Variants in USP24 observed in about 807,000 individuals in gnomAD.
USP24 encodes the protein ubiquitin carboxyl-terminal hydrolase 24.
USP24 carries 97 observed loss-of-function variants against 361.6 expected under a neutral mutation model. The observed-to-expected ratio is 0.27, with a 90% CI of 0.23 to 0.32. The LOEUF (loss-of-function observed/expected upper bound fraction) is 0.32, where lower values mean the gene tolerates loss of function less well. Ranked by LOEUF, USP24 falls within the 10% of genes least tolerant of loss-of-function variation. The pLI, the probability that USP24 is intolerant of heterozygous loss-of-function variation, is 1.00. For synonymous variants in USP24, 1,098 were observed against 1,124.6 expected (o/e 0.98, Z 0.47); for missense variants, 2,353 against 3,165.6 (o/e 0.74, Z 6.16).
In USP24 at chr1:55,066,744, CG is replaced by C. The variant is rs751901560; in HGVS notation, c.*2300del. 2.0e-5 allele frequency: 3 copies of C among 152,176 alleles called. No homozygotes were observed. The highest frequency in any genetic ancestry group is 4.4e-5 in the Non-Finnish European group (3 of 68,032). 9.4% of individuals were successfully genotyped at this position (152,176 alleles called of 1,614,324 possible). ...CGGGCAGAATCGGCCATCTTAAGAT[CG>C]GCCTCACTAAGGGAGCTTCTTGAGA... On this transcript the variant is annotated 3_prime_UTR_variant, in exon 68 of 68. Coordinates refer to ENST00000294383, the MANE Select transcript of USP24 (RefSeq NM_015306.3).
At chr1:55,121,634 C>A (rs1646284101) in intron 36 of USP24, 128 bp from the exon 37 acceptor site, 1 of 712,788 alleles carries the variant, frequency 1.4e-6, no homozygotes, top group East Asian at 2.8e-5. Flanking sequence ...AATTCAGGAC[C>A]TTTTACAATT....
intron 1 of USP24, among the ~76,000 whole-genome samples, chr1:55,199,633 G>C (rs1470740156): frequency 1.3e-5 from 2 of 151,366 alleles, no homozygotes; most frequent in Non-Finnish European, 2.9e-5. Flanking sequence ...GAGAGAGAGA[G>C]AGACAGACAG....
chr1:55,211,338 C>G (rs1644841965), intron 1 of USP24, among the ~76,000 whole-genome samples: 1 of 152,186 alleles, frequency 6.6e-6, no homozygotes, highest in Admixed American at 6.5e-5. Flanking sequence ...GACAGCTTCT[C>G]AAAGTCCCTT....
intron 1 of USP24, among the ~76,000 whole-genome samples, chr1:55,199,864 T>C (rs546120674): frequency 2.6e-4 from 40 of 152,296 alleles, no homozygotes; most frequent in Middle Eastern, 3.4e-3. Flanking sequence ...GGAGGTTTAA[T>C]TGGACTTACA....
At chr1:55,079,793 T>C (rs1006158087) in intron 59 of USP24, 134 bp from the exon 60 acceptor site, 3 of 1,051,220 alleles carry the variant, frequency 2.9e-6, no homozygotes, top group Non-Finnish European at 3.8e-6. Context: ...ACTCACACAC[T>C]GAGTACTCAC....
chr1:55,139,915 ATAAG>A (rs1646840949), intron 24 of USP24, among the ~76,000 whole-genome samples: 1 of 152,144 alleles, frequency 6.6e-6, no homozygotes, highest in Non-Finnish European at 1.5e-5. Context: ...TAAGTCCATA[ATAAG>A]TGAGTGAACT....
chr1:55,214,288 G>C (rs927940736), intron 1 of USP24, among the ~76,000 whole-genome samples: 1 of 151,504 alleles, frequency 6.6e-6, no homozygotes, highest in African/African-American at 2.4e-5. Context: ...CCACTACTCT[G>C]GCCGGCCCAC....
intron 1 of USP24, 76 bp downstream of exon 1, chr1:55,214,714 C>G (rs1270207728): frequency 9.1e-7 from 1 of 1,099,138 alleles, no homozygotes; most frequent in Non-Finnish European, 1.1e-6. Flanking sequence ...CCACACCAAG[C>G]CCAGCGGGGT....
intron 29 of USP24, 36 bp from the exon 30 acceptor site, chr1:55,134,199 C>T: frequency 1.2e-6 from 2 of 1,600,026 alleles, no homozygotes; most frequent in Non-Finnish European, 1.7e-6. Flanking sequence ...TTCATATAAG[C>T]CATAGTTTAA....
Position 55,094,210 on chromosome 1 carries a change from A to T in USP24, c.6204-123T>A, listed in dbSNP as rs567710089. The T allele has an allele frequency of 5.3e-6, 5 of 939,514 alleles. No individual in the cohort carries two copies. In the South Asian group the frequency reaches 1.0e-4, roughly 19 times the overall value. 58.2% of individuals were successfully genotyped at this position (939,514 alleles called of 1,614,324 possible). On this transcript the variant is annotated intron_variant, in intron 51 of 67. Transcript: ENST00000294383. ...ATTTGATTATTATACATGTATCGAA[A>T]CATAAAACTGTACCACATAAATATA...
At chr1:55,103,068 C>G (rs1280092871) in intron 42 of USP24, among the ~76,000 whole-genome samples, 1 of 152,230 alleles carries the variant, frequency 6.6e-6, no homozygotes, top group Non-Finnish European at 1.5e-5. Context: ...CAAACGGCAG[C>G]TTTGAAAGCA....
At chr1:55,095,424 T>A in intron 50 of USP24, 28 bp from the exon 51 acceptor site, 1 of 1,564,980 alleles carries the variant, frequency 6.4e-7, no homozygotes, top group Non-Finnish European at 8.7e-7. Context: ...AAGAAACACA[T>A]CTGTAAATAA....
At chr1:55,147,627 G>C (rs754964502) in intron 18 of USP24, 22 bp downstream of exon 18, 2 of 1,564,522 alleles carry the variant, frequency 1.3e-6, no homozygotes, top group East Asian at 4.6e-5. Context: ...AAATCATGAA[G>C]CAAAAACACA....
chr1:55,116,743 A>G (rs1646127637), intron 38 of USP24, among the ~76,000 whole-genome samples: 1 of 152,078 alleles, frequency 6.6e-6, no homozygotes, highest in African/African-American at 2.4e-5. Flanking sequence ...CCTGGACCAG[A>G]TGGCTTCACT....
At chr1:55,078,394 G>T in intron 61 of USP24, 144 bp downstream of exon 61, 1 of 424,976 alleles carries the variant, frequency 2.4e-6, no homozygotes, top group Non-Finnish European at 4.0e-6. Context: ...GATTAAAAAT[G>T]AATAAAACTG....
chr1:55,198,462 C>T (rs1210472106), intron 1 of USP24, among the ~76,000 whole-genome samples: 1 of 151,770 alleles, frequency 6.6e-6, no homozygotes, highest in Non-Finnish European at 1.5e-5. Flanking sequence ...TAAGTCCCAC[C>T]ATGAGCTGTG....
rs527715328 is a variant in USP24 at position 55,178,972 on chromosome 1, T to C, written c.325-840A>G. Among the ~76,000 whole-genome samples, 5 of 152,318 alleles carry C rather than the reference T, an allele frequency of 3.3e-5. No individual in the cohort carries two copies. In the East Asian group the frequency reaches 9.6e-4, roughly 29 times the overall value. ...CAACCCTCCTGTCTTCACATTTCTT[T>C]TCTCACTGAGGGGATAAATTCTTCA... On this transcript the variant is annotated intron_variant, in intron 1 of 67. Transcript: ENST00000294383.
rs759218195 is a variant in USP24, at chr1:55,138,930, A to T, written c.2817+14T>A. Reference sequence around the variant, plus strand: ...CCTAAGCAACATACATCTTAAAAAAAGGAAGTGGCTTACCTCTATAGTGAT... The same window carrying T: ...CCTAAGCAACATACATCTTAAAAAATGGAAGTGGCTTACCTCTATAGTGAT... On this transcript the variant is annotated intron_variant, in intron 25 of 67. Transcript: ENST00000294383. The T allele has an allele frequency of 2.5e-6, 4 of 1,609,190 alleles. No individual in the cohort carries two copies. In the African/African-American group the frequency reaches 5.4e-5, roughly 22 times the overall value.
chr1:55,080,146 C>A (rs1645120812), intron 59 of USP24, among the ~76,000 whole-genome samples: 1 of 152,286 alleles, frequency 6.6e-6, no homozygotes. Flanking sequence ...CTATGCTAAG[C>A]AGAATCAACC....
Sources: gnomAD v4.1 joint callset for allele counts (sites outside exome capture counted in the v4.1 genomes callset) on GRCh38, gnomAD v4.1.1 for gene constraint, MANE v1.5 for transcripts, NCBI Gene and HGNC (gene_info 2026-07-23, HGNC 2026-07-21) for gene names.